Variants in RABGAP1L observed in about 807,000 individuals in gnomAD.
RABGAP1L encodes RAB GTPase activating protein 1 like, also known as rab GTPase-activating protein 1-like.
In RABGAP1L, 63 loss-of-function variants were observed where a neutral mutation model predicts 137.7. The ratio of observed to expected loss-of-function variants is 0.46; its 90% confidence interval spans 0.37 to 0.56. The LOEUF (loss-of-function observed/expected upper bound fraction) is 0.56. Among genes scored for constraint, RABGAP1L ranks in the 20% least tolerant of loss-of-function variants. The pLI is 0.00. For missense variants in RABGAP1L, 1,095 were observed against 1,244.0 expected, an observed-to-expected ratio of 0.88 and a Z score of 1.80; for synonymous variants, 431 against 433.7, an observed-to-expected ratio of 0.99 and a Z score of 0.08.
At chr1:174,662,659 G>T (rs1219151866) in intron 14 of RABGAP1L, among the ~76,000 whole-genome samples, 1 of 152,176 alleles carries the variant, frequency 6.6e-6, no homozygotes, top group Non-Finnish European at 1.5e-5. Context: ...CTCCCAAAGT[G>T]CTGGGATTAC....
chr1:174,772,907 A>T (rs998540375), intron 18 of RABGAP1L, among the ~76,000 whole-genome samples: 1 of 152,212 alleles, frequency 6.6e-6, no homozygotes, highest in African/African-American at 2.4e-5. Context: ...GACATTAATT[A>T]AAAGAAATCC....
At chr1:174,796,468 G>A (rs531393487) in intron 18 of RABGAP1L, among the ~76,000 whole-genome samples, 21 of 152,240 alleles carry the variant, frequency 1.4e-4, no homozygotes, top group African/African-American at 4.3e-4. Context: ...ACCAAGTAGT[G>A]TTCTAGAAGA....
chr1:174,207,755 A>C (rs1668603856), intron 1 of RABGAP1L, among the ~76,000 whole-genome samples: 1 of 152,174 alleles, frequency 6.6e-6, no homozygotes, highest in African/African-American at 2.4e-5. Flanking sequence ...AAGGCTATTA[A>C]TTATTGTTGA....
At chr1:174,480,671 A>G (rs768281473) in intron 13 of RABGAP1L, among the ~76,000 whole-genome samples, 31 of 152,222 alleles carry the variant, frequency 2.0e-4, no homozygotes, top group Non-Finnish European at 3.2e-4. Context: ...GAAGATCATC[A>G]TGACCAAATG....
chr1:174,441,816 C>T (rs1250933593), intron 13 of RABGAP1L, among the ~76,000 whole-genome samples: 1 of 150,538 alleles, frequency 6.6e-6, no homozygotes, highest in Admixed American at 6.6e-5. Context: ...AAAGAAAAAA[C>T]TACTTTGAGC....
chr1:174,685,647 T>C (rs530820286), intron 15 of RABGAP1L, among the ~76,000 whole-genome samples: 2 of 151,914 alleles, frequency 1.3e-5, no homozygotes, highest in Non-Finnish European at 2.9e-5. Flanking sequence ...CTCTGCAACC[T>C]CCACCTCCTG....
intron 13 of RABGAP1L, among the ~76,000 whole-genome samples, chr1:174,524,023 T>A (rs1663659415): frequency 6.6e-6 from 1 of 152,228 alleles, no homozygotes; most frequent in South Asian, 2.1e-4. Context: ...ATTTTCTTTA[T>A]CCATTCATCT....
At position 174,976,074 on chromosome 1, in the gene RABGAP1L, G is replaced by T; in HGVS notation, c.2545-4G>T. 6.5e-7 allele frequency: 1 copy of T among 1,549,606 alleles called. No homozygotes were observed. The highest frequency in any genetic ancestry group is 8.7e-7 in the Non-Finnish European group (1 of 1,145,812). Reference sequence around the variant, plus strand: ...GTATGACTGTGATGCACCATGATTTGCAGGCAGAAGACAAGGCAGATGTGT... The same window carrying T: ...GTATGACTGTGATGCACCATGATTTTCAGGCAGAAGACAAGGCAGATGTGT... On this transcript the variant is annotated splice_region_variant and splice_polypyrimidine_tract_variant and intron_variant, in intron 21 of 25. Transcript: ENST00000681986.
chr1:174,221,275 T>G, intron 3 of RABGAP1L, 111 bp downstream of exon 3: 4 of 864,756 alleles, frequency 4.6e-6, no homozygotes, highest in Non-Finnish European at 6.9e-6. Context: ...TTTCAGTTCT[T>G]GTTGAGAGTT....
chr1:174,327,994 T>TATATACATAC (rs1680661260), intron 11 of RABGAP1L, among the ~76,000 whole-genome samples: 1 of 77,394 alleles, frequency 1.3e-5, no homozygotes, highest in African/African-American at 6.5e-5. Context: ...CACATATATA[T>TATATACATAC]ATATATATAT....
intron 14 of RABGAP1L, among the ~76,000 whole-genome samples, chr1:174,677,177 C>T (rs1430081940): frequency 9.8e-6 from 1 of 101,866 alleles, no homozygotes; most frequent in Non-Finnish European, 1.9e-5. Flanking sequence ...AAAAAATTAT[C>T]CGTGCATGGT....
intron 13 of RABGAP1L, among the ~76,000 whole-genome samples, chr1:174,437,577 C>G (rs750155139): frequency 6.6e-6 from 1 of 152,134 alleles, no homozygotes; most frequent in Non-Finnish European, 1.5e-5. Flanking sequence ...TGTGAGAAGA[C>G]CAAACCTACG....
rs75613731 is a variant in RABGAP1L at position 174,827,471 on chromosome 1, C to A, written c.2340+15511C>A. Among the ~76,000 whole-genome samples the A allele has an allele frequency of 3.3e-5, 4 of 120,974 alleles. 1 individual carries two copies. The highest frequency in any genetic ancestry group is 5.7e-5 in the African/African-American group (2 of 35,048). The allele number at this position is 120,974 out of a possible 152,430, so 79.4% of individuals were successfully genotyped here. A position where few individuals can be genotyped will look rare whatever the true frequency, so the allele number is the denominator to read the frequency against. ...ACATATTAATTGGGGGGGCACAATT[C>A]ACCCCATAACAGTGTTGTTCTCATA... is the stretch of plus-strand genomic sequence containing the variant. On this transcript the variant is annotated intron_variant, in intron 19 of 25. Coordinates refer to ENST00000681986, the MANE Select transcript of RABGAP1L (RefSeq NM_001366446.1).
chr1:174,421,827 G>A (rs1196195175), intron 13 of RABGAP1L, among the ~76,000 whole-genome samples: 2 of 152,202 alleles, frequency 1.3e-5, no homozygotes, highest in South Asian at 2.1e-4. Flanking sequence ...GGAGTACAGT[G>A]GCACGATCTC....
At chr1:174,756,735 A>G (rs1361733502) in intron 18 of RABGAP1L, 11 of 337,700 alleles carry the variant, frequency 3.3e-5, no homozygotes, top group Admixed American at 2.4e-4. Flanking sequence ...CCTGGAGTAC[A>G]TTGGAGGTGA....
In RABGAP1L at chr1:174,619,011, G is replaced by A. The variant is rs953938069; in HGVS notation, c.1711-18364G>A. ...GACGAATGCACAAGCCTCAGTAGCC[G>A]ATTTGATCAACTGGAAGAAAGGGTA... On this transcript the variant is annotated intron_variant, in intron 13 of 25. Coordinates refer to ENST00000681986, the MANE Select transcript of RABGAP1L (RefSeq NM_001366446.1). 4.6e-5 allele frequency among the ~76,000 whole-genome samples: 7 copies of A among 152,178 alleles called. 1 individual carries two copies. The highest frequency in any genetic ancestry group is 1.4e-4 in the African/African-American group (6 of 41,430).
chr1:174,867,310 G>T (rs1163222215), intron 19 of RABGAP1L, among the ~76,000 whole-genome samples: 2 of 151,864 alleles, frequency 1.3e-5, no homozygotes, highest in Admixed American at 1.3e-4. Context: ...GAACCCGGGA[G>T]GTGGAGGTTG....
At chr1:174,647,828 T>A (rs1421800234) in intron 14 of RABGAP1L, among the ~76,000 whole-genome samples, 1 of 152,136 alleles carries the variant, frequency 6.6e-6, no homozygotes, top group Non-Finnish European at 1.5e-5. Flanking sequence ...TGTGACTCCA[T>A]CTGGTCCTGG....
intron 19 of RABGAP1L, among the ~76,000 whole-genome samples, chr1:174,840,665 A>G (rs2003378): frequency 0.21 from 31,074 of 150,338 alleles, 3,543 homozygotes; most frequent in Admixed American, 0.24. Context: ...AAAGAAAAAA[A>G]TTTAGCTGGG....
Sources: allele counts gnomAD v4.1 joint callset (sites outside exome capture counted in the v4.1 genomes callset), GRCh38; gene constraint gnomAD v4.1.1; transcripts MANE v1.5; gene names NCBI Gene and HGNC (gene_info 2026-07-23, HGNC 2026-07-21).